Variants in RBFOX1 observed in about 807,000 individuals in gnomAD.
RBFOX1 encodes the protein RNA binding protein fox-1 homolog 1.
RBFOX1 carries 8 observed loss-of-function variants against 57.7 expected under a neutral mutation model. That is an observed-to-expected ratio of 0.14 (90% confidence interval 0.08 to 0.25). The LOEUF is 0.25. RBFOX1 is among the 10% of genes least tolerant of loss of function. The pLI is 1.00. For missense variants in RBFOX1, 611 were observed against 548.5 expected, an observed-to-expected ratio of 1.11 and a Z score of -1.14; for synonymous variants, 326 against 222.4, an observed-to-expected ratio of 1.47 and a Z score of -4.15.
rs1568624630 is a variant in RBFOX1, at chr16:7,710,870, AG to A, written c.*127del. ...AAAAAAAAAAAAAATACAAATAAAA[AG>A]GAAAAAAAATTACATTTTTTATCTT... is the stretch of plus-strand genomic sequence containing the variant. On this transcript the variant is annotated 3_prime_UTR_variant, in exon 16 of 16. Coordinates refer to ENST00000550418, the MANE Select transcript of RBFOX1 (RefSeq NM_018723.4). 7 of 1,015,748 alleles carry A rather than the reference AG, an allele frequency of 6.9e-6. No individual in the cohort carries two copies. The highest frequency in any genetic ancestry group is 3.7e-5 in the South Asian group (1 of 27,192). The allele number at this position is 1,015,748 out of a possible 1,614,324, so 62.9% of individuals were successfully genotyped here.
chr16:5,582,740 C>G (rs2046713519), intron 2 of RBFOX1, among the ~76,000 whole-genome samples: 1 of 152,002 alleles, frequency 6.6e-6, no homozygotes, highest in African/African-American at 2.4e-5. Flanking sequence ...CCCATCATCT[C>G]AACCTCTGCC....
At chr16:5,395,324 C>G (rs1361295603) in intron 1 of RBFOX1, among the ~76,000 whole-genome samples, 3 of 152,242 alleles carry the variant, frequency 2.0e-5, no homozygotes, top group Non-Finnish European at 2.9e-5. Flanking sequence ...CTGTTAGATT[C>G]TTGCCAACTT....
chr16:5,688,581 G>C (rs2050573711), intron 3 of RBFOX1, among the ~76,000 whole-genome samples: 1 of 151,948 alleles, frequency 6.6e-6, no homozygotes, highest in Non-Finnish European at 1.5e-5. Flanking sequence ...AGTTGGTCTG[G>C]TCCCAACATG....
At chr16:6,817,532 T>G (rs1278834940) in intron 3 of RBFOX1, among the ~76,000 whole-genome samples, 1 of 127,586 alleles carries the variant, frequency 7.8e-6, no homozygotes, top group East Asian at 2.3e-4. Flanking sequence ...TTTCTTTGCT[T>G]AAAAAAAAAA....
chr16:6,729,274 A>G (rs7184928), intron 3 of RBFOX1, among the ~76,000 whole-genome samples: 137,825 of 152,156 alleles, frequency 0.91, 64,048 homozygotes, highest in East Asian at 1. Flanking sequence ...TGAGATTGGG[A>G]CCTGACGATC....
At chr16:5,367,062 T>A (rs1174540059) in intron 1 of RBFOX1, among the ~76,000 whole-genome samples, 2 of 152,236 alleles carry the variant, frequency 1.3e-5, no homozygotes, top group African/African-American at 4.8e-5. Context: ...TAGGTGGTTT[T>A]CTCAATTTTT....
At chr16:6,854,042 G>C (rs2057341930) in intron 3 of RBFOX1, among the ~76,000 whole-genome samples, 1 of 152,210 alleles carries the variant, frequency 6.6e-6, no homozygotes, top group Non-Finnish European at 1.5e-5. Flanking sequence ...ACCTCAGGCA[G>C]TTAAGTCTTT....
intron 1 of RBFOX1, among the ~76,000 whole-genome samples, chr16:6,276,972 T>A (rs899790414): frequency 5.3e-5 from 8 of 152,114 alleles, no homozygotes; most frequent in African/African-American, 1.9e-4. Context: ...TGAATTTGAT[T>A]TAAATAAATG....
intron 1 of RBFOX1, among the ~76,000 whole-genome samples, chr16:6,061,468 C>A (rs1378809563): frequency 6.6e-6 from 1 of 151,564 alleles, no homozygotes; most frequent in African/African-American, 2.4e-5. Flanking sequence ...TATATGTATA[C>A]ATCTATTTTC....
Position 7,481,017 on chromosome 16 carries a change from C to G in RBFOX1, c.28-37130C>G, listed in dbSNP as rs192444815. On this transcript the variant is annotated intron_variant, in intron 4 of 15. Transcript: ENST00000550418. ...CATGCATGATATCCAAGTGATATGG[C>G]CAAAGAACCCTAGCTCTTGAGACAA... is the stretch of plus-strand genomic sequence containing the variant. Among the ~76,000 whole-genome samples the G allele has an allele frequency of 1.2e-3, 190 of 152,244 alleles. 2 individuals carry two copies. The highest frequency in any genetic ancestry group is 3.4e-3 in the Middle Eastern group (1 of 294).
At chr16:6,906,049 A>G (rs1349322540) in intron 3 of RBFOX1, among the ~76,000 whole-genome samples, 1 of 152,194 alleles carries the variant, frequency 6.6e-6, no homozygotes, top group South Asian at 2.1e-4. Context: ...AGAATCAGGA[A>G]CAGTGAGCTC....
intron 4 of RBFOX1, among the ~76,000 whole-genome samples, chr16:7,442,814 G>C (rs1431964164): frequency 2.6e-5 from 4 of 152,170 alleles, no homozygotes; most frequent in Non-Finnish European, 4.4e-5. Context: ...AATTTGGTCA[G>C]GGTGGCTGGG....
At chr16:6,446,253 T>G (rs2094483392) in intron 2 of RBFOX1, among the ~76,000 whole-genome samples, 1 of 152,206 alleles carries the variant, frequency 6.6e-6, no homozygotes, top group African/African-American at 2.4e-5. Context: ...GTCCTCCTGC[T>G]TAGCTTCCCA....
intron 4 of RBFOX1, among the ~76,000 whole-genome samples, chr16:7,473,165 G>A (rs745765322): frequency 6.6e-6 from 1 of 152,076 alleles, no homozygotes; most frequent in African/African-American, 2.4e-5. Context: ...ATTGCTTTAA[G>A]CCCAGGAGTT....
chr16:7,399,082 G>A (rs899218626), intron 4 of RBFOX1, among the ~76,000 whole-genome samples: 2 of 152,164 alleles, frequency 1.3e-5, no homozygotes, highest in Admixed American at 6.6e-5. Context: ...TCAGCATCAC[G>A]TAATATACTC....
chr16:5,441,612 A>C (rs1462001481), intron 1 of RBFOX1, among the ~76,000 whole-genome samples: 1 of 152,044 alleles, frequency 6.6e-6, no homozygotes, highest in Non-Finnish European at 1.5e-5. Context: ...TGATTCACCC[A>C]CCTTGACCTC....
intron 2 of RBFOX1, among the ~76,000 whole-genome samples, chr16:5,478,734 C>T (rs556785052): frequency 6.6e-6 from 1 of 152,140 alleles, no homozygotes; most frequent in African/African-American, 2.4e-5. Context: ...CACGAGGCAC[C>T]TTTTCCCACT....
intron 11 of RBFOX1, among the ~76,000 whole-genome samples, chr16:7,642,933 G>A (rs575447356): frequency 3.3e-5 from 5 of 152,286 alleles, no homozygotes; most frequent in African/African-American, 1.2e-4. Flanking sequence ...ATCCTGCCCG[G>A]CGGGGGAAAT....
intron 4 of RBFOX1, among the ~76,000 whole-genome samples, chr16:7,441,049 AG>A (rs1298372834): frequency 7.2e-6 from 1 of 138,972 alleles, no homozygotes; most frequent in Non-Finnish European, 1.5e-5. Context: ...TAAAAACCAA[AG>A]AAAAAAAAAA....
Sources: allele counts gnomAD v4.1 joint callset (sites outside exome capture counted in the v4.1 genomes callset), GRCh38; gene constraint gnomAD v4.1.1; transcripts MANE v1.5; gene names NCBI Gene and HGNC (gene_info 2026-07-23, HGNC 2026-07-21).